The following ELMO1 variants were observed in gnomAD, a reference collection of about 807,000 sequenced individuals.
The protein encoded by ELMO1 is engulfment and cell motility 1.
A neutral mutation model predicts 98.9 loss-of-function variants in ELMO1; 26 were observed. The ratio of observed to expected loss-of-function variants is 0.26; its 90% CI spans 0.19 to 0.36. ELMO1 has a LOEUF of 0.36. ELMO1 is among the 10% of genes least tolerant of loss of function. The probability of loss-of-function intolerance (pLI) is 1.00; values close to 1 mark genes in which losing one functional copy is unlikely to be tolerated. For synonymous variants in ELMO1, 346 were observed against 346.0 expected, an observed-to-expected ratio of 1.00 and a Z score of 0.00; for missense variants, 627 against 935.2, an observed-to-expected ratio of 0.67 and a Z score of 4.30.
At chr7:37,336,162 G>T (rs986062992) in intron 2 of ELMO1, among the ~76,000 whole-genome samples, 1 of 152,008 alleles carries the variant, frequency 6.6e-6, no homozygotes. Context: ...AGAATTAGAG[G>T]TTGCAGTGAG....
At chr7:36,939,243 A>C (rs1002419766) in intron 16 of ELMO1, among the ~76,000 whole-genome samples, 1 of 152,234 alleles carries the variant, frequency 6.6e-6, no homozygotes, top group Admixed American at 6.5e-5. Flanking sequence ...GACAGAGTCT[A>C]AGATCTGCTC....
At position 36,933,141 on chromosome 7, in the gene ELMO1, C is replaced by T. The variant is rs1003055134; in HGVS notation, c.1438-38124G>A. Reference sequence around the variant, plus strand: ...GCAGCTCAGAGCACGTGGGGCTAGACAGTATCTTTATGTCACTCACCCGTG... The same window carrying T: ...GCAGCTCAGAGCACGTGGGGCTAGATAGTATCTTTATGTCACTCACCCGTG... On this transcript the variant is annotated intron_variant, in intron 16 of 21. Transcript: ENST00000310758. Among the ~76,000 whole-genome samples the T allele has an allele frequency of 2.3e-4, 35 of 152,280 alleles. 1 individual carries two copies. In the Middle Eastern group the frequency reaches 0.01, roughly 44 times the overall value.
chr7:37,166,038 G>C (rs11486843), intron 13 of ELMO1, among the ~76,000 whole-genome samples: 31,482 of 152,056 alleles, frequency 0.21, 4,362 homozygotes, highest in African/African-American at 0.39. Flanking sequence ...TCTATTCAGA[G>C]ATTCAACTTC....
chr7:37,068,433 A>G (rs1797098266), intron 15 of ELMO1, among the ~76,000 whole-genome samples: 1 of 152,166 alleles, frequency 6.6e-6, no homozygotes, highest in South Asian at 2.1e-4. Flanking sequence ...AATGTATATG[A>G]CACTTATTGT....
Position 37,053,559 on chromosome 7 carries a change from A to C in ELMO1, c.1301-40124T>G, listed in dbSNP as rs185474033. Among the ~76,000 whole-genome samples, 3 of 152,044 alleles carry C rather than the reference A, an allele frequency of 2.0e-5. No individual in the cohort carries two copies. The South Asian group carries it at 6.2e-4, about 32-fold the overall frequency. On this transcript the variant is annotated intron_variant, in intron 15 of 21. Coordinates refer to ENST00000310758, the MANE Select transcript of ELMO1 (RefSeq NM_014800.11). ...TCCAGACATCATTACCTTCTTCTGGATGTGTTCTTGTGCCCCAGAATGATT... is the reference window on the plus strand; with the variant it reads ...TCCAGACATCATTACCTTCTTCTGGCTGTGTTCTTGTGCCCCAGAATGATT...
intron 13 of ELMO1, among the ~76,000 whole-genome samples, chr7:37,161,884 T>G (rs565368122): frequency 1.4e-5 from 1 of 71,162 alleles, no homozygotes; most frequent in African/African-American, 4.2e-5. Context: ...TAAGGCATTA[T>G]AGAAAGCCTT....
At chr7:37,187,514 A>G (rs546799466) in intron 13 of ELMO1, among the ~76,000 whole-genome samples, 1 of 152,192 alleles carries the variant, frequency 6.6e-6, no homozygotes, top group Non-Finnish European at 1.5e-5. Flanking sequence ...AAATTTTGTA[A>G]AAGTGATTAA....
At chr7:37,094,985 G>A (rs1169044513) in intron 15 of ELMO1, among the ~76,000 whole-genome samples, 1 of 152,218 alleles carries the variant, frequency 6.6e-6, no homozygotes, top group Non-Finnish European at 1.5e-5. Context: ...TTGGGCAAAG[G>A]AGAAGAGCAG....
chr7:37,161,994 A>G (rs1789254253), intron 13 of ELMO1, among the ~76,000 whole-genome samples: 1 of 138,082 alleles, frequency 7.2e-6, no homozygotes, highest in Non-Finnish European at 1.6e-5. Flanking sequence ...TAAATAGGTC[A>G]ACACAAAAAA....
At chr7:36,893,120 T>C (rs1301226253) in intron 17 of ELMO1, among the ~76,000 whole-genome samples, 1 of 152,216 alleles carries the variant, frequency 6.6e-6, no homozygotes, top group Non-Finnish European at 1.5e-5. Flanking sequence ...TCAGAGTTAC[T>C]TGGCTTTAAC....
intron 19 of ELMO1, among the ~76,000 whole-genome samples, chr7:36,875,074 A>G (rs1435669892): frequency 1.3e-5 from 2 of 152,230 alleles, no homozygotes; most frequent in Admixed American, 6.5e-5. Flanking sequence ...AGAGAGGGCA[A>G]TGTTATGTGG....
intron 6 of ELMO1, among the ~76,000 whole-genome samples, chr7:37,246,714 C>T (rs1795023262): frequency 6.6e-6 from 1 of 152,002 alleles, no homozygotes; most frequent in Admixed American, 6.6e-5. Context: ...GATTCTAGTC[C>T]TGTTGGCTTT....
intron 16 of ELMO1, among the ~76,000 whole-genome samples, chr7:36,934,602 C>A (rs115183941): frequency 6.6e-6 from 1 of 152,138 alleles, no homozygotes; most frequent in Non-Finnish European, 1.5e-5. Flanking sequence ...TGCAAACATG[C>A]GCTTTTGATG....
At chr7:37,110,024 T>C (rs1785162798) in intron 14 of ELMO1, among the ~76,000 whole-genome samples, 1 of 152,194 alleles carries the variant, frequency 6.6e-6, no homozygotes, top group African/African-American at 2.4e-5. Flanking sequence ...GATTGCCCTC[T>C]GGGATGAACC....
At chr7:37,395,367 CAA>C (rs59452486) in intron 1 of ELMO1, among the ~76,000 whole-genome samples, 38 of 66,178 alleles carry the variant, frequency 5.7e-4, no homozygotes, top group Non-Finnish European at 7.7e-4. Flanking sequence ...AACTCCATCT[CAA>C]AAAAAAAAAA....
At chr7:37,156,857 A>G (rs1481984881) in intron 13 of ELMO1, among the ~76,000 whole-genome samples, 2 of 152,218 alleles carry the variant, frequency 1.3e-5, no homozygotes, top group Admixed American at 6.5e-5. Flanking sequence ...TGGTGGAGAC[A>G]AAACAAAAAA....
At chr7:37,062,941 G>C (rs985112552) in intron 15 of ELMO1, among the ~76,000 whole-genome samples, 1 of 152,136 alleles carries the variant, frequency 6.6e-6, no homozygotes, top group African/African-American at 2.4e-5. Context: ...CTGACCAGCT[G>C]ACAGCCCAAT....
rs183580777 is a variant in ELMO1 at position 37,364,329 on chromosome 7, T to C, written c.-73-21566A>G. ...TGCCAAATATGTATTCTGCCAAATA[T>C]GATGTTAAATCTATGACTAAAATTG... On this transcript the variant is annotated intron_variant, in intron 1 of 21. Transcript: ENST00000310758. 2.7e-4 allele frequency among the ~76,000 whole-genome samples: 41 copies of C among 152,368 alleles called. 2 individuals are homozygous for C. The highest frequency in any genetic ancestry group is 9.1e-4 in the African/African-American group (38 of 41,594).
chr7:37,036,269 G>A (rs1795169420), intron 15 of ELMO1, among the ~76,000 whole-genome samples: 1 of 151,808 alleles, frequency 6.6e-6, no homozygotes, highest in Admixed American at 6.5e-5. Flanking sequence ...GTTGCTCAAG[G>A]GTCAACTGTA....
Sources: allele counts gnomAD v4.1 joint callset (sites outside exome capture counted in the v4.1 genomes callset), GRCh38; gene constraint gnomAD v4.1.1; transcripts MANE v1.5; gene names NCBI Gene and HGNC (gene_info 2026-07-23, HGNC 2026-07-21).